Variants in SNX31 observed in about 807,000 individuals in gnomAD.
The protein encoded by SNX31 is sorting nexin 31, also known as sorting nexin-31.
In SNX31, 58 loss-of-function variants were observed where a neutral mutation model predicts 65.4. That is an observed-to-expected ratio of 0.89 (90% CI 0.72 to 1.10). The LOEUF (loss-of-function observed/expected upper bound fraction) is 1.10. SNX31 is among the 50% of genes least tolerant of loss of function. The pLI is 0.00. For synonymous variants in SNX31, 181 were observed against 190.1 expected (o/e 0.95, Z 0.39); for missense variants, 523 against 529.7 (o/e 0.99, Z 0.12).
At chr8:100,662,433 C>T (rs1057175172) in intron 1 of SNX31, among the ~76,000 whole-genome samples, 2 of 152,220 alleles carry the variant, frequency 1.3e-5, no homozygotes, top group East Asian at 3.8e-4. Context: ...CATGGTGGCT[C>T]ACGCCTGTAA....
intron 9 of SNX31, among the ~76,000 whole-genome samples, chr8:100,597,812 G>A (rs1449847656): frequency 6.6e-6 from 1 of 152,182 alleles, no homozygotes; most frequent in East Asian, 1.9e-4. Context: ...ACTGATCAAG[G>A]CATCCTGTCA....
rs1183738164 is a variant in SNX31 at position 100,612,058 on chromosome 8, G to C, written c.553C>G (p.Pro185Ala). 1 of 1,614,074 alleles carries C rather than the reference G, an allele frequency of 6.2e-7. No individual in the cohort carries two copies. ...VVKKLADFEL[P>A]YVSLGSSEVE... The stretch of plus-strand genomic sequence containing the variant: ...TCAGAACTTCCAAGACTAACATAAG[G>C]GAGTTCAAAGTCAGCCAATTTTTTC... Residue 185 changes from proline to alanine, a missense_variant, in exon 7 of 14, where the codon CCT becomes GCT. Coordinates refer to ENST00000311812, the MANE Select transcript of SNX31 (RefSeq NM_152628.4). The surrounding 1 kb of genome is among the most constrained non-coding windows in gnomAD (Gnocchi z 4.3).
At chr8:100,628,994 T>G (rs565806557) in intron 4 of SNX31, among the ~76,000 whole-genome samples, 5 of 152,182 alleles carry the variant, frequency 3.3e-5, no homozygotes, top group African/African-American at 9.7e-5. Flanking sequence ...GTCTACAGTA[T>G]GCAGTACAGT....
rs1442410376 is a variant in SNX31, at chr8:100,622,998, C to G, written c.322-5268G>C. The stretch of plus-strand genomic sequence containing the variant: ...CCTTCCTTCCACCTTCTATCACACC[C>G]TACTGGTTTGTATTTCTCTGTTTTC... On this transcript the variant is annotated intron_variant, in intron 4 of 13. Transcript: ENST00000311812. The surrounding 1 kb of genome is among the most constrained non-coding windows in gnomAD (Gnocchi z 5.0). Among the ~76,000 whole-genome samples, 1 of 152,202 alleles carries G rather than the reference C, an allele frequency of 6.6e-6. No individual in the cohort carries two copies. The highest frequency in any genetic ancestry group is 1.5e-5 in the Non-Finnish European group (1 of 68,046).
chr8:100,613,926 G>T lies in SNX31; in HGVS notation c.433-841C>A, dbSNP rs1482810711. ...ACTCACTAAATCACCTCTGTACCAC[G>T]CAAGGAGAGGCCTCCAAGCACTGCC... On this transcript the variant is annotated intron_variant, in intron 5 of 13. Coordinates refer to ENST00000311812, the MANE Select transcript of SNX31 (RefSeq NM_152628.4). The surrounding 1 kb of genome is among the most constrained non-coding windows in gnomAD (Gnocchi z 5.2). Among the ~76,000 whole-genome samples, 1 of 151,932 alleles carries T rather than the reference G, an allele frequency of 6.6e-6. No individual in the cohort carries two copies. Among genetic ancestry groups the T allele is most frequent in the Admixed American group, 6.6e-5 (1 of 15,244 alleles).
intron 12 of SNX31, among the ~76,000 whole-genome samples, chr8:100,581,311 T>TTTTATATA (rs1554570414): frequency 8.1e-6 from 1 of 122,716 alleles, no homozygotes; most frequent in African/African-American, 4.7e-5. Context: ...AAAAAATTTT[T>TTTTATATA]TATATATCTA....
chr8:100,599,498 TG>T (rs906283636), intron 9 of SNX31, among the ~76,000 whole-genome samples: 7 of 148,180 alleles, frequency 4.7e-5, no homozygotes, highest in Non-Finnish European at 1.0e-4. Flanking sequence ...GGCTGGCAGG[TG>T]GGGGGGATAT....
chr8:100,616,074 A>T (rs752070637), intron 5 of SNX31, among the ~76,000 whole-genome samples: 21 of 152,132 alleles, frequency 1.4e-4, no homozygotes, highest in Non-Finnish European at 2.4e-4. Context: ...GTGCCTGGCC[A>T]AAACATATCT....
In SNX31 at chr8:100,663,226, G is replaced by A. The variant is rs535176343; in HGVS notation, c.-142C>T. The A allele has an allele frequency of 1.0e-4, 14 of 137,200 alleles. No homozygotes were observed. In the East Asian group the frequency reaches 2.9e-3, roughly 28 times the overall value. 8.5% of individuals were successfully genotyped at this position (137,200 alleles called of 1,614,324 possible). Reference sequence around the variant, plus strand: ...ACCATGCAATATACTCCGTCTAACAGAGCTGCGCAGATACCCCCCCCAATC... The same window carrying A: ...ACCATGCAATATACTCCGTCTAACAAAGCTGCGCAGATACCCCCCCCAATC... On this transcript the variant is annotated 5_prime_UTR_variant, in exon 1 of 6. Transcript: ENST00000520352.
At chr8:100,628,695 C>G (rs1818217017) in intron 4 of SNX31, among the ~76,000 whole-genome samples, 1 of 151,888 alleles carries the variant, frequency 6.6e-6, no homozygotes, top group South Asian at 2.1e-4. Flanking sequence ...ACATATGTAA[C>G]AAACCTGCAT....
intron 3 of SNX31, 110 bp downstream of exon 3, chr8:100,635,787 A>G (rs536931779): frequency 2.9e-6 from 2 of 683,584 alleles, no homozygotes; most frequent in East Asian, 5.6e-5. Flanking sequence ...TCGCACAATT[A>G]ATTACATAAA....
intron 10 of SNX31, among the ~76,000 whole-genome samples, chr8:100,592,804 T>A (rs1814702598): frequency 6.6e-6 from 1 of 152,126 alleles, no homozygotes; most frequent in African/African-American, 2.4e-5. Context: ...AATAATAAAG[T>A]ACTGATGATA....
At chr8:100,659,551 C>T (rs1238509061) in intron 1 of SNX31, among the ~76,000 whole-genome samples, 3 of 152,008 alleles carry the variant, frequency 2.0e-5, no homozygotes, top group Non-Finnish European at 2.9e-5. Flanking sequence ...TTACAAGTAA[C>T]GAGAATGTTT....
At chr8:100,611,973 C>T (rs1816751597) in intron 7 of SNX31, 27 bp downstream of exon 7, 1 of 1,582,092 alleles carries the variant, frequency 6.3e-7, no homozygotes, top group African/African-American at 1.3e-5. Context: ...TCGTCAAACG[C>T]CTCTGTCACT....
At position 100,630,464 on chromosome 8, in the gene SNX31, C is replaced by T; in HGVS notation, c.257-73G>A. The stretch of plus-strand genomic sequence containing the variant: ...CCTGCCTATTAATTGCTATGTCCTC[C>T]AGAGATCCCTCCATGCCTTGCCAGT... On this transcript the variant is annotated intron_variant, in intron 3 of 13. Coordinates refer to ENST00000311812, the MANE Select transcript of SNX31 (RefSeq NM_152628.4). The surrounding 1 kb of genome is among the most constrained non-coding windows in gnomAD (Gnocchi z 5.3). 7.8e-7 allele frequency: 1 copy of T among 1,280,488 alleles called. No homozygotes were observed. Among genetic ancestry groups the T allele is most frequent in the Non-Finnish European group, 1.1e-6 (1 of 905,814 alleles). 79.3% of individuals were successfully genotyped at this position (1,280,488 alleles called of 1,614,324 possible).
upstream of SNX31, among the ~76,000 whole-genome samples, chr8:100,650,737 G>C (rs185719126): frequency 1.1e-3 from 162 of 152,326 alleles, no homozygotes; most frequent in African/African-American, 3.9e-3. Flanking sequence ...GCCATTAAGT[G>C]AGGGAAGCAG....
At position 100,604,857 on chromosome 8, in the gene SNX31, G is replaced by A. The variant is rs116150346; in HGVS notation, c.681+3637C>T. 1.6e-3 allele frequency among the ~76,000 whole-genome samples: 239 copies of A among 152,096 alleles called. 1 individual carries two copies. The highest frequency in any genetic ancestry group is 5.5e-3 in the African/African-American group (229 of 41,502). The stretch of plus-strand genomic sequence containing the variant: ...ATCCATTATTTATCACAACTCAAGA[G>A]CTTTTCATGTTAACTTTTTTAAAGA... On this transcript the variant is annotated intron_variant, in intron 8 of 13. Coordinates refer to ENST00000311812, the MANE Select transcript of SNX31 (RefSeq NM_152628.4). The surrounding 1 kb of genome is among the most constrained non-coding windows in gnomAD (Gnocchi z 4.3).
intron 11 of SNX31, among the ~76,000 whole-genome samples, chr8:100,585,326 G>A (rs933403116): frequency 6.6e-6 from 1 of 152,160 alleles, no homozygotes; most frequent in African/African-American, 2.4e-5. Context: ...GCCAATCAAA[G>A]TTGAGGCTAG....
intron 1 of SNX31, among the ~76,000 whole-genome samples, chr8:100,659,139 A>G (rs1269401088): frequency 6.6e-6 from 1 of 152,024 alleles, no homozygotes; most frequent in Non-Finnish European, 1.5e-5. Context: ...TGAGGTCAGG[A>G]GTTTAAGACC....
Sources: allele counts gnomAD v4.1 joint callset (sites outside exome capture counted in the v4.1 genomes callset), GRCh38; gene constraint gnomAD v4.1.1; non-coding constraint Gnocchi (gnomAD v3.1); transcripts MANE v1.5; gene names NCBI Gene and HGNC (gene_info 2026-07-23, HGNC 2026-07-21).